Variants in GALNT13 observed in about 807,000 individuals in gnomAD.
The protein encoded by GALNT13 is UDP-GalNAc:polypeptide N-acetylgalactosaminyltransferase 13.
A neutral mutation model predicts 64.2 loss-of-function variants in GALNT13; 28 were observed. The ratio of observed to expected loss-of-function variants is 0.44; its 90% CI spans 0.32 to 0.60. GALNT13 has a LOEUF of 0.60. GALNT13 is among the 20% of genes least tolerant of loss of function. The probability of loss-of-function intolerance (pLI) is 0.05; values close to 1 mark genes in which losing one functional copy is unlikely to be tolerated. For synonymous variants in GALNT13, 214 were observed against 224.6 expected, an observed-to-expected ratio of 0.95 and a Z score of 0.42; for missense variants, 577 against 669.8, an observed-to-expected ratio of 0.86 and a Z score of 1.53.
chr2:153,335,528 C>G, the GALNT13 span, among the ~76,000 whole-genome samples: 1 of 152,090 alleles, frequency 6.6e-6, no homozygotes, highest in African/African-American at 2.4e-5. Flanking sequence ...TTTGCCCCTG[C>G]CCTAGAGATT....
the GALNT13 span, among the ~76,000 whole-genome samples, chr2:153,174,212 G>A: frequency 6.6e-6 from 1 of 152,108 alleles, no homozygotes; most frequent in Admixed American, 6.5e-5. Flanking sequence ...GACCCACCCT[G>A]GGGGGTCATT....
At chr2:154,018,159 C>T (rs766508763) in intron 3 of GALNT13, among the ~76,000 whole-genome samples, 2 of 152,150 alleles carry the variant, frequency 1.3e-5, no homozygotes, top group Admixed American at 6.6e-5. Context: ...TCAGTACATT[C>T]GCAACTGCAA....
intron 9 of GALNT13, among the ~76,000 whole-genome samples, chr2:154,358,248 T>A (rs968010404): frequency 6.6e-6 from 1 of 152,156 alleles, no homozygotes; most frequent in African/African-American, 2.4e-5. Context: ...CTTAAATATC[T>A]TTTAGCAACA....
At chr2:154,043,455 T>TATATATATATATATATACAC (rs1341373277) in intron 3 of GALNT13, among the ~76,000 whole-genome samples, 27 of 104,952 alleles carry the variant, frequency 2.6e-4, no homozygotes, top group South Asian at 7.9e-4. Flanking sequence ...TATATATATA[T>TATATATATATATATATACAC]ACACACATGT....
At chr2:154,327,616 C>G (rs1397841061) in intron 9 of GALNT13, among the ~76,000 whole-genome samples, 3 of 152,052 alleles carry the variant, frequency 2.0e-5, no homozygotes, top group African/African-American at 7.2e-5. Flanking sequence ...CATTCTGAAG[C>G]CTGTCCTGCT....
At chr2:153,764,028 C>T in the GALNT13 span, among the ~76,000 whole-genome samples, 3 of 152,098 alleles carry the variant, frequency 2.0e-5, no homozygotes, top group African/African-American at 7.2e-5. Flanking sequence ...ATGCCTTTGA[C>T]CAAAATGCTG....
At chr2:153,762,086 A>G in the GALNT13 span, 3 of 152,270 alleles carry the variant, frequency 2.0e-5, no homozygotes, top group African/African-American at 7.2e-5. Flanking sequence ...GGACTGATTC[A>G]TTCTCCATGA....
chr2:153,301,059 G>C, the GALNT13 span, among the ~76,000 whole-genome samples: 2 of 152,050 alleles, frequency 1.3e-5, no homozygotes, highest in African/African-American at 4.8e-5. Context: ...ACAAAAATTA[G>C]CCAGGCATGT....
chr2:153,796,933 C>T, the GALNT13 span, among the ~76,000 whole-genome samples: 2 of 152,140 alleles, frequency 1.3e-5, no homozygotes, highest in East Asian at 1.9e-4. Context: ...GAAAATTTAT[C>T]TTCTCCCACG....
At chr2:153,383,795 C>A in the GALNT13 span, among the ~76,000 whole-genome samples, 124,063 of 151,938 alleles carry the variant, frequency 0.82, 51,581 homozygotes, top group African/African-American at 0.9. Flanking sequence ...CTTTGTCCAA[C>A]CCTATTATGA....
chr2:153,478,598 G>T, the GALNT13 span: 1 of 1,491,984 alleles, frequency 6.7e-7, no homozygotes, highest in East Asian at 2.4e-5. Context: ...GAGCGGCGCG[G>T]GTCCGAGGGG....
the GALNT13 span, among the ~76,000 whole-genome samples, chr2:153,538,315 T>C: frequency 7.8e-6 from 1 of 127,564 alleles, no homozygotes; most frequent in African/African-American, 3.4e-5. Context: ...CTTTTCTTTT[T>C]TTTTTTAATT....
At chr2:154,331,007 G>T (rs947086522) in intron 9 of GALNT13, among the ~76,000 whole-genome samples, 3 of 152,036 alleles carry the variant, frequency 2.0e-5, no homozygotes, top group African/African-American at 7.2e-5. Flanking sequence ...TAAACTTGAA[G>T]TAATTAATAT....
intron 12 of GALNT13, among the ~76,000 whole-genome samples, chr2:154,442,174 G>T (rs558935962): frequency 1.3e-5 from 2 of 152,126 alleles, no homozygotes; most frequent in East Asian, 3.9e-4. Context: ...TAGGGGGAAA[G>T]GTGTTCTACA....
At chr2:153,496,176 C>T in the GALNT13 span, among the ~76,000 whole-genome samples, 2 of 152,150 alleles carry the variant, frequency 1.3e-5, no homozygotes, top group South Asian at 2.1e-4. Flanking sequence ...CATTAATAAA[C>T]GTTATTGCAA....
chr2:153,138,310 A>G, the GALNT13 span, among the ~76,000 whole-genome samples: 5 of 152,004 alleles, frequency 3.3e-5, no homozygotes, highest in African/African-American at 7.2e-5. Context: ...TAGCTCTTTC[A>G]CTGATTTAAA....
At chr2:153,193,535 A>G in the GALNT13 span, among the ~76,000 whole-genome samples, 16 of 152,020 alleles carry the variant, frequency 1.1e-4, no homozygotes, top group Non-Finnish European at 1.8e-4. Context: ...AGCACGGCAC[A>G]TGTATACATA....
intron 12 of GALNT13, among the ~76,000 whole-genome samples, chr2:154,439,484 T>C (rs533893461): frequency 8.5e-5 from 13 of 152,300 alleles, no homozygotes; most frequent in Non-Finnish European, 1.5e-4. Context: ...CATTATTAAG[T>C]GGTAGGTGAT....
chr2:153,528,523 G>GA, the GALNT13 span, among the ~76,000 whole-genome samples: 1 of 151,886 alleles, frequency 6.6e-6, no homozygotes, highest in African/African-American at 2.4e-5. Flanking sequence ...CTTTGAGACA[G>GA]AAAATCAAAG....
Sources: gnomAD v4.1 joint callset for allele counts (sites outside exome capture counted in the v4.1 genomes callset) on GRCh38, gnomAD v4.1.1 for gene constraint, MANE v1.5 for transcripts, NCBI Gene and HGNC (gene_info 2026-07-23, HGNC 2026-07-21) for gene names.